The following HERC4 variants were observed in gnomAD, a reference collection of about 807,000 sequenced individuals.
HERC4 encodes probable E3 ubiquitin-protein ligase HERC4.
In HERC4, 28 loss-of-function variants were observed where a neutral mutation model predicts 124.3. The observed-to-expected ratio is 0.23, with a 90% CI of 0.17 to 0.31. The LOEUF is 0.31. HERC4 is among the 10% of genes least tolerant of loss of function. The pLI, the probability that HERC4 is intolerant of heterozygous loss-of-function variation, is 1.00. For synonymous variants in HERC4, 407 were observed against 421.5 expected, an observed-to-expected ratio of 0.97 and a Z score of 0.42; for missense variants, 713 against 1,229.3, an observed-to-expected ratio of 0.58 and a Z score of 6.28.
intron 4 of HERC4, among the ~76,000 whole-genome samples, chr10:68,043,048 G>C (rs2039847227): frequency 6.6e-6 from 1 of 152,116 alleles, no homozygotes; most frequent in Non-Finnish European, 1.5e-5. Context: ...CAGGTTCATA[G>C]TTGTTATTAT....
At chr10:68,067,884 A>T (rs902238712) in intron 3 of HERC4, 7 of 152,192 alleles carry the variant, frequency 4.6e-5, no homozygotes, top group Non-Finnish European at 1.0e-4. Context: ...AATACACTAT[A>T]CATATTTGAA....
chr10:67,991,392 ACT>A (rs1339320935), intron 11 of HERC4, among the ~76,000 whole-genome samples, 193 bp from the exon 12 acceptor site: 6 of 152,188 alleles, frequency 3.9e-5, no homozygotes, highest in African/African-American at 1.4e-4. Flanking sequence ...TGAAGGTATT[ACT>A]GTTTATTCTA....
intron 3 of HERC4, among the ~76,000 whole-genome samples, chr10:68,071,582 C>T (rs995472190): frequency 6.6e-6 from 1 of 152,024 alleles, no homozygotes; most frequent in Admixed American, 6.6e-5. Flanking sequence ...AGTAAAGGGC[C>T]CATTTGTCTC....
chr10:67,970,937 C>A (rs1589217067), intron 15 of HERC4, among the ~76,000 whole-genome samples: 1 of 151,576 alleles, frequency 6.6e-6, no homozygotes, highest in Admixed American at 6.6e-5. Flanking sequence ...CAGAAAAACA[C>A]TAGAGAAGAA....
intron 21 of HERC4, among the ~76,000 whole-genome samples, chr10:67,938,152 TAAAA>T (rs2032534006): frequency 6.6e-6 from 1 of 151,116 alleles, no homozygotes; most frequent in Admixed American, 6.6e-5. Flanking sequence ...ATTTAAAAAA[TAAAA>T]AAGAGGCCAG....
intron 15 of HERC4, among the ~76,000 whole-genome samples, chr10:67,982,625 T>C (rs948093307): frequency 2.0e-5 from 3 of 151,940 alleles, no homozygotes; most frequent in Admixed American, 2.0e-4. Context: ...ACAAACGGGA[T>C]TACATTAAAT....
At chr10:68,029,703 T>C (rs1157042120) in intron 7 of HERC4, among the ~76,000 whole-genome samples, 1 of 148,070 alleles carries the variant, frequency 6.8e-6, no homozygotes, top group Non-Finnish European at 1.5e-5. Context: ...TATTTTTATT[T>C]ATATAATTTA....
chr10:68,006,384 T>G (rs1250648049), intron 9 of HERC4, among the ~76,000 whole-genome samples: 1 of 151,448 alleles, frequency 6.6e-6, no homozygotes, highest in African/African-American at 2.4e-5. Context: ...TGTTTTTTTT[T>G]TTTTTTTGAG....
intron 7 of HERC4, among the ~76,000 whole-genome samples, chr10:68,031,160 A>C (rs2039182400): frequency 6.6e-6 from 1 of 152,206 alleles, no homozygotes; most frequent in African/African-American, 2.4e-5. Context: ...CTTCTGAGAG[A>C]AGAATACAAA....
intron 22 of HERC4, among the ~76,000 whole-genome samples, chr10:67,934,573 T>C (rs1308827777): frequency 2.6e-5 from 4 of 152,164 alleles, no homozygotes; most frequent in Non-Finnish European, 5.9e-5. Flanking sequence ...ACAGAACACA[T>C]CCTCCAGTAA....
chr10:68,072,122 T>A (rs931496639), intron 3 of HERC4, among the ~76,000 whole-genome samples: 1 of 152,196 alleles, frequency 6.6e-6, no homozygotes. Flanking sequence ...ATTTACCACC[T>A]GAAATCATTA....
intron 8 of HERC4, among the ~76,000 whole-genome samples, chr10:68,023,733 T>C (rs2038764618): frequency 6.6e-6 from 1 of 152,146 alleles, no homozygotes; most frequent in African/African-American, 2.4e-5. Flanking sequence ...ACAAAAACTT[T>C]TAATGGTGCT....
intron 15 of HERC4, among the ~76,000 whole-genome samples, chr10:67,970,338 T>C (rs2035153207): frequency 6.6e-6 from 1 of 152,196 alleles, no homozygotes. Flanking sequence ...ATGCCTGTAA[T>C]CCCAGCACTC....
intron 15 of HERC4, among the ~76,000 whole-genome samples, chr10:67,984,301 C>CA (rs928310831): frequency 0.14 from 9,539 of 67,494 alleles, 952 homozygotes; most frequent in African/African-American, 0.34. Flanking sequence ...GACTCCATCT[C>CA]AAAAAAAAAA....
Position 68,065,137 on chromosome 10 carries a change from AT to A in HERC4, c.226+7745del, listed in dbSNP as rs1365468537. Among the ~76,000 whole-genome samples, 11 of 152,170 alleles carry A rather than the reference AT, an allele frequency of 7.2e-5. 1 individual carries two copies. The highest frequency in any genetic ancestry group is 5.9e-4 in the Admixed American group (9 of 15,278). On this transcript the variant is annotated intron_variant, in intron 3 of 24. Transcript: ENST00000373700. ...GAAAAAAGTTGAGATACAAGAACAC[AT>A]TCCCAGTTTGTAATCAGAAACATAT...
intron 7 of HERC4, among the ~76,000 whole-genome samples, chr10:68,031,121 T>C (rs2039181137): frequency 6.6e-6 from 1 of 152,108 alleles, no homozygotes; most frequent in Non-Finnish European, 1.5e-5. Flanking sequence ...CACCCAAAAT[T>C]CCAATAAACA....
chr10:67,996,223 G>C, intron 9 of HERC4: 1 of 390,526 alleles, frequency 2.6e-6, no homozygotes, highest in Non-Finnish European at 5.0e-6. Flanking sequence ...AGTGAGCTGT[G>C]ATCACGCCAC....
chr10:68,002,461 C>A (rs934990657), intron 9 of HERC4, among the ~76,000 whole-genome samples: 60 of 151,740 alleles, frequency 4.0e-4, no homozygotes, highest in African/African-American at 1.4e-3. Flanking sequence ...ATATTTCCAA[C>A]TAAGTAGTAA....
chr10:68,048,252 T>C (rs1366368933), intron 3 of HERC4, among the ~76,000 whole-genome samples: 2 of 152,176 alleles, frequency 1.3e-5, no homozygotes, highest in African/African-American at 2.4e-5. Flanking sequence ...TTATTCATAA[T>C]TGCCAAAACC....
Sources: allele counts gnomAD v4.1 joint callset (sites outside exome capture counted in the v4.1 genomes callset), GRCh38; gene constraint gnomAD v4.1.1; transcripts MANE v1.5; gene names NCBI Gene and HGNC (gene_info 2026-07-23, HGNC 2026-07-21).